Variants in CCDC171 observed in about 807,000 individuals in gnomAD.
CCDC171 encodes the protein coiled-coil domain-containing protein 171.
In CCDC171, 177 loss-of-function variants were observed where a neutral mutation model predicts 168.2. That is an observed-to-expected ratio of 1.05 (90% CI 0.93 to 1.19). CCDC171 has a LOEUF of 1.19. CCDC171 is among the 50% of genes most tolerant of loss of function. The pLI is 0.00. For synonymous variants in CCDC171, 687 were observed against 540.8 expected, an observed-to-expected ratio of 1.27 and a Z score of -3.75; for missense variants, 1,991 against 1,539.0, an observed-to-expected ratio of 1.29 and a Z score of -4.91.
intron 25 of CCDC171, among the ~76,000 whole-genome samples, chr9:15,925,157 A>G (rs1378180452): frequency 1.3e-5 from 2 of 151,662 alleles, no homozygotes; most frequent in Non-Finnish European, 3.0e-5. Flanking sequence ...ATAATGTGTA[A>G]TTACTAACCA....
rs1007538805 is a variant in CCDC171, at chr9:15,576,447, C to T, written c.178-2402C>T. Reference sequence around the variant, plus strand: ...AAGCAACCCTCCCTCATCAGCCTCTCAAAGTGCTGGGATTGCAGGAGTGAG... The same window carrying T: ...AAGCAACCCTCCCTCATCAGCCTCTTAAAGTGCTGGGATTGCAGGAGTGAG... On this transcript the variant is annotated intron_variant, in intron 3 of 25. Transcript: ENST00000380701. 2.6e-5 allele frequency among the ~76,000 whole-genome samples: 4 copies of T among 152,206 alleles called. No homozygotes were observed. The South Asian group carries it at 6.2e-4, about 24-fold the overall frequency.
In CCDC171 at chr9:15,779,032, T is replaced by C; in HGVS notation, c.2963T>C (p.Val988Ala). Residue 988 changes from valine (V) to alanine (A), a missense_variant, in exon 20 of 26, where the codon GTG (valine) becomes GCG (alanine). Val to Ala is a moderately conservative substitution (Grantham distance 64). Transcript: ENST00000380701. ...ACACAAAGACTGCATGCTGCAGAAG[T>C]GGAGCGCCGCTCACTACGCTTAGAG... Reference protein sequence around the residue: ...GFTQRLHAAEVERRSLRLEVT... With the variant: ...GFTQRLHAAEAERRSLRLEVT... 1 of 1,599,834 alleles carries C rather than the reference T, an allele frequency of 6.3e-7. No homozygotes were observed. The highest frequency in any genetic ancestry group is 8.5e-7 in the Non-Finnish European group (1 of 1,173,890).
chr9:15,997,565 G>A (rs875112), intron 3 of CCDC171, among the ~76,000 whole-genome samples: 113,830 of 152,006 alleles, frequency 0.75, 44,491 homozygotes, highest in East Asian at 0.96. Flanking sequence ...TTTCTGAGGG[G>A]AAATTTACCA....
intron 24 of CCDC171, among the ~76,000 whole-genome samples, chr9:15,907,748 C>G (rs917059246): frequency 6.6e-6 from 1 of 152,022 alleles, no homozygotes; most frequent in African/African-American, 2.4e-5. Context: ...AAAATTTTCG[C>G]AATCTAGTCA....
At chr9:16,029,936 G>A (rs1833340131) in intron 6 of CCDC171, among the ~76,000 whole-genome samples, 1 of 152,180 alleles carries the variant, frequency 6.6e-6, no homozygotes, top group African/African-American at 2.4e-5. Flanking sequence ...ATTTCCCACA[G>A]TTCTGGAGGC....
Position 15,920,525 on chromosome 9 carries a change from T to G in CCDC171, c.3753+103T>G, listed in dbSNP as rs1025484274. ...AAGATCATTTGCCAATATATATAAT[T>G]TAGGGTAAATGATCAATCAAGTGAC... On this transcript the variant is annotated intron_variant, in intron 25 of 25. Coordinates refer to ENST00000380701, the MANE Select transcript of CCDC171 (RefSeq NM_173550.4). The G allele has an allele frequency of 5.0e-6, 4 of 795,160 alleles. No homozygotes were observed. In the African/African-American group the frequency reaches 7.0e-5, roughly 14 times the overall value. 49.3% of individuals were successfully genotyped at this position (795,160 alleles called of 1,614,324 possible). A position where few individuals can be genotyped will look rare whatever the true frequency, so the allele number is the denominator to read the frequency against.
At chr9:15,623,473 GCGCA>G (rs2044708399) in intron 7 of CCDC171, 60 bp downstream of exon 7, 20 of 464,704 alleles carry the variant, frequency 4.3e-5, no homozygotes, top group Non-Finnish European at 5.5e-5. Context: ...ATGCGCGCGC[GCGCA>G]CACACACACA....
chr9:15,735,634 C>G (rs538691111), intron 16 of CCDC171, among the ~76,000 whole-genome samples: 2 of 152,250 alleles, frequency 1.3e-5, no homozygotes, highest in South Asian at 2.1e-4. Context: ...GGCAAGGAAT[C>G]CAGGTGAGTC....
chr9:15,580,090 G>A (rs1398666685), intron 4 of CCDC171, among the ~76,000 whole-genome samples: 2 of 152,098 alleles, frequency 1.3e-5, no homozygotes, highest in East Asian at 3.8e-4. Context: ...ACTGATCTTT[G>A]ACAAAGCAAA....
At chr9:15,711,156 A>T (rs913868010) in intron 11 of CCDC171, among the ~76,000 whole-genome samples, 2 of 152,208 alleles carry the variant, frequency 1.3e-5, no homozygotes, top group Non-Finnish European at 2.9e-5. Context: ...TGACTAAGGA[A>T]TTGAAAATTT....
chr9:15,932,593 C>A (rs536406410), intron 25 of CCDC171, among the ~76,000 whole-genome samples: 13 of 151,792 alleles, frequency 8.6e-5, no homozygotes, highest in Non-Finnish European at 1.9e-4. Context: ...AATTTAGATA[C>A]CTTTTGTTTC....
chr9:15,945,284 G>A (rs1238461910), intron 25 of CCDC171, among the ~76,000 whole-genome samples: 1 of 148,840 alleles, frequency 6.7e-6, no homozygotes, highest in Non-Finnish European at 1.5e-5. Context: ...TATCGTTGTT[G>A]GACATTTGGG....
At chr9:15,591,819 A>G (rs533790301) in intron 5 of CCDC171, among the ~76,000 whole-genome samples, 1 of 152,312 alleles carries the variant, frequency 6.6e-6, no homozygotes, top group South Asian at 2.1e-4. Flanking sequence ...GCATATTGTA[A>G]GAAGCTAAGA....
chr9:15,926,927 C>G (rs944164998), intron 25 of CCDC171, among the ~76,000 whole-genome samples: 2 of 151,596 alleles, frequency 1.3e-5, no homozygotes, highest in Admixed American at 1.3e-4. Context: ...ATAATAAGTA[C>G]TGTATTACCA....
chr9:15,691,558 A>ATG (rs2050794088), intron 10 of CCDC171, among the ~76,000 whole-genome samples: 1 of 144,316 alleles, frequency 6.9e-6, no homozygotes, highest in African/African-American at 2.5e-5. Context: ...ATATATATAT[A>ATG]TATATATATA....
At chr9:16,092,145 C>T in the CCDC171 span, among the ~76,000 whole-genome samples, 1,552 of 152,350 alleles carry the variant, frequency 0.01, 23 homozygotes, top group African/African-American at 0.035. Context: ...TCTGCCTCCT[C>T]AGCTTTGCTT....
At chr9:15,721,075 C>T (rs1028797743) in intron 11 of CCDC171, among the ~76,000 whole-genome samples, 1 of 152,048 alleles carries the variant, frequency 6.6e-6, no homozygotes, top group Admixed American at 6.6e-5. Context: ...TATGGCCCAA[C>T]TAAATTAAAG....
At chr9:15,802,136 C>G (rs1031663060) in intron 21 of CCDC171, among the ~76,000 whole-genome samples, 19 of 151,484 alleles carry the variant, frequency 1.3e-4, no homozygotes, top group East Asian at 9.7e-4. Flanking sequence ...TTATTGGTTT[C>G]CGGAAGTTTG....
At chr9:15,631,653 C>G (rs2045715167) in intron 7 of CCDC171, among the ~76,000 whole-genome samples, 1 of 152,176 alleles carries the variant, frequency 6.6e-6, no homozygotes, top group Admixed American at 6.5e-5. Flanking sequence ...AGAGGGAATC[C>G]TCCCTAACTC....
Sources: allele counts gnomAD v4.1 joint callset (sites outside exome capture counted in the v4.1 genomes callset), GRCh38; gene constraint gnomAD v4.1.1; transcripts MANE v1.5; gene names NCBI Gene and HGNC (gene_info 2026-07-23, HGNC 2026-07-21).